Variants in DUSP15 observed in about 807,000 individuals in gnomAD.
DUSP15 encodes dual specificity protein phosphatase 15.
Under a neutral mutation model 26.3 loss-of-function variants are expected in DUSP15, and 23 were observed. That is an observed-to-expected ratio of 0.87 (90% confidence interval 0.63 to 1.24). DUSP15 has a LOEUF of 1.24. Among genes scored for constraint, DUSP15 ranks in the 50% most tolerant of loss-of-function variants. DUSP15 has a pLI of 0.00. For synonymous variants in DUSP15, 143 were observed against 135.5 expected, an observed-to-expected ratio of 1.06 and a Z score of -0.39; for missense variants, 364 against 320.6, an observed-to-expected ratio of 1.14 and a Z score of -1.03.
intron 6 of DUSP15, among the ~76,000 whole-genome samples, chr20:31,851,428 G>A (rs1295164274): frequency 6.6e-6 from 1 of 152,072 alleles, no homozygotes; most frequent in East Asian, 1.9e-4. Context: ...AGCTGGACCC[G>A]ATGGGGTGCA....
downstream of DUSP15, among the ~76,000 whole-genome samples, chr20:31,860,521 C>G (rs1223324715): frequency 4.6e-5 from 7 of 152,214 alleles, no homozygotes; most frequent in African/African-American, 1.7e-4. Flanking sequence ...ACCTCCCAAA[C>G]CAGAGGAGCT....
chr20:31,852,004 CTTTCTT>C (rs2062477497), intron 6 of DUSP15, among the ~76,000 whole-genome samples: 3 of 128,882 alleles, frequency 2.3e-5, no homozygotes, highest in Admixed American at 8.2e-5. Context: ...CCTTTTCTTT[CTTTCTT>C]TTTTTTTTTT....
exon 8 of DUSP15, chr20:31,849,840 C>T: frequency 2.6e-6 from 4 of 1,525,426 alleles, no homozygotes; most frequent in Non-Finnish European, 3.5e-6. Context: ...CGCACCAGCG[C>T]TGCGGAGAGA....
At position 31,861,578 on chromosome 20, in the gene DUSP15, C is replaced by G. The variant is rs774207455; in HGVS notation, c.533G>C (p.Gly178Ala). ...LLPLCKRCRQ[G>A]SATSASSAGP... ...GGCGGAGGAGGCCGAGGTCGCGGAG[C>G]CCTGCCGGCAGCGCTTGCACAGCGG... The change falls in exon 7 of 7, where the codon GGC (glycine) becomes GCC (alanine). Residue 178 changes from glycine to alanine, a missense_variant. Gly to Ala is a moderately conservative substitution (Grantham distance 60). Transcript: ENST00000339738. 4 of 1,498,152 alleles carry G rather than the reference C, an allele frequency of 2.7e-6. No homozygotes were observed. Among genetic ancestry groups the G allele is most frequent in the Non-Finnish European group, 3.5e-6 (4 of 1,131,998 alleles). 92.8% of individuals were successfully genotyped at this position (1,498,152 alleles called of 1,614,324 possible).
At chr20:31,851,708 C>T (rs1423554176) in intron 6 of DUSP15, among the ~76,000 whole-genome samples, 1 of 152,066 alleles carries the variant, frequency 6.6e-6, no homozygotes, top group African/African-American at 2.4e-5. Flanking sequence ...GGGTGACTTG[C>T]TGAGAGGTGA....
chr20:31,868,778 C>A (rs961335292), intron 2 of DUSP15, among the ~76,000 whole-genome samples: 10 of 152,230 alleles, frequency 6.6e-5, no homozygotes, highest in Non-Finnish European at 8.8e-5. Flanking sequence ...CTGCGCCCAG[C>A]CCCCTTAGCA....
downstream of DUSP15, among the ~76,000 whole-genome samples, chr20:31,857,253 C>G (rs1183359844): frequency 6.6e-6 from 1 of 151,296 alleles, no homozygotes; most frequent in Non-Finnish European, 1.5e-5. Flanking sequence ...ATTGAAATGA[C>G]GGCAACTGTC....
At chr20:31,865,148 T>A in intron 3 of DUSP15, 146 bp from the exon 4 acceptor site, 1 of 849,846 alleles carries the variant, frequency 1.2e-6, no homozygotes, top group Non-Finnish European at 1.9e-6. Flanking sequence ...AAGAAAGTAG[T>A]TGTCATCTCT....
chr20:31,864,953 A>G lies in DUSP15; in HGVS notation c.188T>C (p.Ile63Thr). Reference sequence around the variant, plus strand: ...TATGGGTCCATCCAGGGGAACTTACATGGGTACCTCAGGGGTATCAGCGAC... The same window carrying G: ...TATGGGTCCATCCAGGGGAACTTACGTGGGTACCTCAGGGGTATCAGCGAC... ...IPVADTPEVP[I>T]KKHFKECINF... Residue 63 changes from isoleucine (I) to threonine (T), a missense_variant and splice_region_variant, in exon 4 of 7, where the codon ATC becomes ACC. Coordinates refer to ENST00000339738, the MANE Select transcript of DUSP15 (RefSeq NM_080611.5). The G allele has an allele frequency of 1.9e-6, 3 of 1,613,610 alleles. No individual in the cohort carries two copies. Among genetic ancestry groups the G allele is most frequent in the Admixed American group, 1.7e-5 (1 of 59,976 alleles).
intron 8 of DUSP15, chr20:31,848,984 G>C (rs1044214755): frequency 4.2e-6 from 5 of 1,185,620 alleles, no homozygotes; most frequent in Non-Finnish European, 6.0e-6. Context: ...TGCCCATCTT[G>C]TGCTCATTTC....
chr20:31,860,543 A>G (rs1213191507), downstream of DUSP15, among the ~76,000 whole-genome samples: 1 of 152,082 alleles, frequency 6.6e-6, no homozygotes, highest in African/African-American at 2.4e-5. Flanking sequence ...CTTCCTAACT[A>G]CCTACCGTCA....
chr20:31,850,354 C>T (rs2062449237), intron 7 of DUSP15, among the ~76,000 whole-genome samples: 2 of 152,224 alleles, frequency 1.3e-5, no homozygotes, highest in South Asian at 4.1e-4. Context: ...AGCTGTGTGA[C>T]CTCAGGCAAG....
At chr20:31,855,503 C>A (rs1410691033) in intron 6 of DUSP15, among the ~76,000 whole-genome samples, 1 of 152,170 alleles carries the variant, frequency 6.6e-6, no homozygotes, top group East Asian at 1.9e-4. Flanking sequence ...GAAGGCCAAG[C>A]TTTATTCCAT....
intron 5 of DUSP15, 180 bp downstream of exon 5, chr20:31,863,727 G>T: frequency 1.7e-6 from 1 of 605,378 alleles, no homozygotes; most frequent in Non-Finnish European, 2.9e-6. Flanking sequence ...TGGCCACACA[G>T]CTCATAAGGA....
chr20:31,869,932 GA>G, intron 1 of DUSP15: 1 of 1,356,662 alleles, frequency 7.4e-7, no homozygotes, highest in Non-Finnish European at 9.5e-7. Context: ...TGGGGCTGGG[GA>G]GGCAGAAAGG....
At chr20:31,846,133 GAC>G (rs922590794), downstream of DUSP15, among the ~76,000 whole-genome samples, 18 of 127,404 alleles carry the variant, frequency 1.4e-4, no homozygotes, top group African/African-American at 4.4e-4. Flanking sequence ...CACAGACACA[GAC>G]ACACACACAG....
downstream of DUSP15, among the ~76,000 whole-genome samples, chr20:31,858,010 G>C (rs943183439): frequency 2.4e-4 from 37 of 152,164 alleles, no homozygotes; most frequent in Non-Finnish European, 2.9e-4. This position sits in a 1 kb window ranked among gnomAD's most constrained non-coding sequence, Gnocchi z 4.4. Context: ...CTCATATGTA[G>C]AGAACATTAC....
intron 2 of DUSP15, among the ~76,000 whole-genome samples, chr20:31,868,794 T>G (rs1428580835): frequency 6.6e-6 from 1 of 152,212 alleles, no homozygotes; most frequent in Non-Finnish European, 1.5e-5. Flanking sequence ...TAGCATGGTT[T>G]CTACCCAGCA....
Position 31,861,431 on chromosome 20 carries a change from C to G in DUSP15, c.680G>C (p.Arg227Pro). The change falls in exon 7 of 7, where the codon CGG becomes CCG. Residue 227 changes from arginine to proline, a missense_variant. Coordinates refer to ENST00000339738, the MANE Select transcript of DUSP15 (RefSeq NM_080611.5). ...RVKQTFSCLP[R>P]CLSRKGGK is the part of the protein sequence containing the mutation. Reference sequence around the variant, plus strand: ...CTTGCCGCCCTTGCGGGACAGACACCGGGGGAGGCAAGAGAAAGTCTGCTT... The same window carrying G: ...CTTGCCGCCCTTGCGGGACAGACACGGGGGGAGGCAAGAGAAAGTCTGCTT... The G allele has an allele frequency of 6.5e-7, 1 of 1,546,904 alleles. No individual in the cohort carries two copies.
Sources: allele counts gnomAD v4.1 joint callset (sites outside exome capture counted in the v4.1 genomes callset), GRCh38; gene constraint gnomAD v4.1.1; non-coding constraint Gnocchi (gnomAD v3.1); transcripts MANE v1.5; gene names NCBI Gene and HGNC (gene_info 2026-07-23, HGNC 2026-07-21).